KIN: variants seen among roughly 807,000 people sequenced by gnomAD.
The protein encoded by KIN is Kin17 DNA and RNA binding protein, also known as DNA/RNA-binding protein KIN17.
In KIN, 47 loss-of-function variants were observed where a neutral mutation model predicts 63.0. The observed-to-expected ratio is 0.75, with a 90% confidence interval of 0.59 to 0.95. The LOEUF is 0.95. KIN is among the 40% of genes least tolerant of loss of function. KIN has a pLI of 0.00. For synonymous variants in KIN, 160 were observed against 157.7 expected, an observed-to-expected ratio of 1.01 and a Z score of -0.11; for missense variants, 408 against 460.9, an observed-to-expected ratio of 0.89 and a Z score of 1.05.
Position 7,762,565 on chromosome 10 carries a change from T to C in KIN, c.919-9A>G, listed in dbSNP as rs552975733. 152 of 1,500,682 alleles carry C rather than the reference T, an allele frequency of 1.0e-4. 2 individuals carry two copies. In the South Asian group the frequency reaches 1.7e-3, roughly 17 times the overall value. The allele number at this position is 1,500,682 out of a possible 1,614,324, so 93.0% of individuals were successfully genotyped here. A position where few individuals can be genotyped will look rare whatever the true frequency, so the allele number is the denominator to read the frequency against. ...TATTTGTCAATTACTTCCTGTCATG[T>C]AAAATGAACACTTTTATAATAGAAG... On this transcript the variant is annotated splice_polypyrimidine_tract_variant and intron_variant, in intron 10 of 12. Transcript: ENST00000379562.
At chr10:7,787,303 A>G (rs567469622) in intron 1 of KIN, among the ~76,000 whole-genome samples, 2 of 152,356 alleles carry the variant, frequency 1.3e-5, no homozygotes, top group African/African-American at 4.8e-5. Context: ...TCCATAAACC[A>G]GATAAATCCA....
Position 7,777,624 on chromosome 10 carries a change from G to A in KIN, c.558+1214C>T, listed in dbSNP as rs548724762. On this transcript the variant is annotated intron_variant, in intron 5 of 12. Coordinates refer to ENST00000379562, the MANE Select transcript of KIN (RefSeq NM_012311.4). ...GAATGTAAGCCACAGGAGGCAGGGC[G>A]TGGTGGCTCACGCCTGTAATCTCAG... is the stretch of plus-strand genomic sequence containing the variant. 7.9e-5 allele frequency among the ~76,000 whole-genome samples: 12 copies of A among 151,066 alleles called. No individual in the cohort carries two copies. In the East Asian group the frequency reaches 1.4e-3, roughly 17 times the overall value.
intron 1 of KIN, among the ~76,000 whole-genome samples, chr10:7,787,468 G>A (rs570771239): frequency 6.6e-6 from 1 of 152,206 alleles, no homozygotes; most frequent in Admixed American, 6.5e-5. Flanking sequence ...TAAGAGTCAA[G>A]TCAAGTAAGA....
chr10:7,762,563 T>C lies in KIN; in HGVS notation c.919-7A>G, dbSNP rs79868802. 4.0e-3 allele frequency: 6,110 copies of C among 1,539,402 alleles called. 134 individuals carry two copies. The African/African-American group carries it at 0.053, about 13-fold the overall frequency. On this transcript the variant is annotated splice_region_variant and splice_polypyrimidine_tract_variant and intron_variant, in intron 10 of 12. Transcript: ENST00000379562. Reference sequence around the variant, plus strand: ...TATATTTGTCAATTACTTCCTGTCATGTAAAATGAACACTTTTATAATAGA... The same window carrying C: ...TATATTTGTCAATTACTTCCTGTCACGTAAAATGAACACTTTTATAATAGA...
In KIN at chr10:7,751,989, T is replaced by G. The variant is rs530390562; in HGVS notation, c.*4091A>C. 20 of 47,126 alleles carry G rather than the reference T, an allele frequency of 4.2e-4. 9 individuals carry two copies. The highest frequency in any genetic ancestry group is 1.6e-3 in the South Asian group (2 of 1,280). The allele number at this position is 47,126 out of a possible 1,614,324, so 2.9% of individuals were successfully genotyped here. On this transcript the variant is annotated 3_prime_UTR_variant, in exon 13 of 13. Transcript: ENST00000379562. ...AGCGGAGCTTGCAGTGAGCCGAGAT[T>G]GCGCCACTGCAGTCCGCAGTCCGGC...
chr10:7,787,681 C>T (rs1836054160), intron 1 of KIN, 139 bp downstream of exon 1: 8 of 673,286 alleles, frequency 1.2e-5, no homozygotes, highest in Non-Finnish European at 1.6e-5. Flanking sequence ...GTAGTTGACT[C>T]GCCCACTGCA....
At chr10:7,786,745 A>G (rs1298574526) in intron 1 of KIN, among the ~76,000 whole-genome samples, 1 of 152,152 alleles carries the variant, frequency 6.6e-6, no homozygotes, top group East Asian at 1.9e-4. Flanking sequence ...CAGCCTCCAG[A>G]ACTGTGAGAA....
chr10:7,780,073 T>G lies in KIN; in HGVS notation c.359A>C (p.Lys120Thr). The G allele has an allele frequency of 6.2e-7, 1 of 1,613,354 alleles. No homozygotes were observed. The highest frequency in any genetic ancestry group is 1.1e-5 in the South Asian group (1 of 91,042). The change falls in exon 4 of 13, where the codon AAG becomes ACG. Residue 120 changes from lysine to threonine, a missense_variant. Lys to Thr is a moderately conservative substitution (Grantham distance 78, BLOSUM62 -1). Around this residue, in one of 2 missense-constraint regions of KIN, gnomAD observed 110 missense variants for 164.9 expected, o/e 0.67. Coordinates refer to ENST00000379562, the MANE Select transcript of KIN (RefSeq NM_012311.4). ...ATTCTTACCTTCTCTGCCCAGCCACTTAGTAAAATCAGTCAGAGTTTCCCA... is the reference window on the plus strand; with the variant it reads ...ATTCTTACCTTCTCTGCCCAGCCACGTAGTAAAATCAGTCAGAGTTTCCCA... ...TQWETLTDFT[K>T]WLGREGLCKV...
intron 1 of KIN, among the ~76,000 whole-genome samples, chr10:7,785,006 T>C (rs1460698061): frequency 1.3e-5 from 2 of 152,096 alleles, no homozygotes; most frequent in African/African-American, 2.4e-5. Context: ...TCCTAGCACT[T>C]TGGGAGGCCG....
In KIN at chr10:7,774,723, G is replaced by T. The variant is rs961478867; in HGVS notation, c.668+108C>A. 7.9e-6 allele frequency: 7 copies of T among 885,906 alleles called. No individual in the cohort carries two copies. In the African/African-American group the frequency reaches 1.0e-4, roughly 13 times the overall value. 54.9% of individuals were successfully genotyped at this position (885,906 alleles called of 1,614,324 possible). ...CGCAACCAATAAAAACCAAAAACAGGTGAAAACTACAACTAGAAAAAAATG... is the reference window on the plus strand; with the variant it reads ...CGCAACCAATAAAAACCAAAAACAGTTGAAAACTACAACTAGAAAAAAATG... On this transcript the variant is annotated intron_variant, in intron 7 of 12. Transcript: ENST00000379562.
At chr10:7,779,125 A>C (rs1265400969) in intron 4 of KIN, 106 bp from the exon 5 acceptor site, 27 of 1,326,426 alleles carry the variant, frequency 2.0e-5, no homozygotes. Context: ...CACACAAATC[A>C]GGCCGAGCGC....
At chr10:7,784,375 G>A (rs1348552703) in intron 1 of KIN, among the ~76,000 whole-genome samples, 4 of 152,166 alleles carry the variant, frequency 2.6e-5, no homozygotes, top group Non-Finnish European at 4.4e-5. Context: ...GTGAGCCTCC[G>A]AGTTCAAGAC....
At chr10:7,779,238 C>G (rs890201178) in intron 4 of KIN, among the ~76,000 whole-genome samples, 3 of 152,084 alleles carry the variant, frequency 2.0e-5, no homozygotes, top group African/African-American at 7.2e-5. Context: ...TGAATCCCAT[C>G]TCTACTAAAA....
At chr10:7,756,202 AT>A (rs1378716046) in intron 12 of KIN, 60 bp from the exon 13 acceptor site, 1 of 985,898 alleles carries the variant, frequency 1.0e-6, no homozygotes, top group East Asian at 2.6e-5. Context: ...AGACAAAAAA[AT>A]GACACCATAC....
At chr10:7,783,608 C>G (rs1020825105) in intron 1 of KIN, among the ~76,000 whole-genome samples, 3 of 152,168 alleles carry the variant, frequency 2.0e-5, no homozygotes, top group African/African-American at 7.2e-5. Flanking sequence ...TCTACTTCAG[C>G]TCATTATCCA....
intron 7 of KIN, among the ~76,000 whole-genome samples, chr10:7,770,189 C>T (rs1835639156): frequency 6.6e-6 from 1 of 152,218 alleles, no homozygotes; most frequent in Non-Finnish European, 1.5e-5. Flanking sequence ...CCTTGGCCTC[C>T]CAAAGTGCTG....
At chr10:7,776,692 C>T (rs937716043) in intron 5 of KIN, among the ~76,000 whole-genome samples, 1 of 147,906 alleles carries the variant, frequency 6.8e-6, no homozygotes, top group African/African-American at 2.5e-5. Flanking sequence ...GATCATGCCA[C>T]TGCCCTCCCC....
chr10:7,782,045 C>T (rs927183174), intron 2 of KIN, among the ~76,000 whole-genome samples: 12 of 151,954 alleles, frequency 7.9e-5, no homozygotes, highest in Admixed American at 7.2e-4. Context: ...GCAACAAGAG[C>T]GAAACTCCCG....
intron 12 of KIN, among the ~76,000 whole-genome samples, chr10:7,758,989 G>T: frequency 6.6e-6 from 1 of 151,524 alleles, no homozygotes; most frequent in Non-Finnish European, 1.5e-5. Context: ...TCTCAAATAA[G>T]GACCTAAATG....
Sources: gnomAD v4.1 joint callset for allele counts (sites outside exome capture counted in the v4.1 genomes callset) on GRCh38, gnomAD v4.1.1 for gene constraint, gnomAD v4.1.1 regional missense constraint, MANE v1.5 for transcripts, NCBI Gene and HGNC (gene_info 2026-07-23, HGNC 2026-07-21) for gene names.